The following SEMA5A variants were observed in gnomAD, a reference collection of about 807,000 sequenced individuals.
SEMA5A encodes the protein semaphorin 5A.
A neutral mutation model predicts 135.5 loss-of-function variants in SEMA5A; 55 were observed. The observed-to-expected ratio is 0.41, with a 90% CI of 0.33 to 0.51. The LOEUF is 0.51. Among genes scored for constraint, SEMA5A ranks in the 20% least tolerant of loss-of-function variants. The probability of loss-of-function intolerance (pLI) is 0.37; values close to 1 mark genes in which losing one functional copy is unlikely to be tolerated. For synonymous variants in SEMA5A, 580 were observed against 546.5 expected (o/e 1.06, Z -0.85); for missense variants, 1,290 against 1,419.9 (o/e 0.91, Z 1.47).
intron 5 of SEMA5A, among the ~76,000 whole-genome samples, chr5:9,272,723 G>T (rs144697847): frequency 0.011 from 1,729 of 152,214 alleles, 32 homozygotes; most frequent in African/African-American, 0.039. Flanking sequence ...GGCAAACAGG[G>T]TCTGGAGTGG....
At chr5:9,193,444 T>C (rs1462441433) in intron 10 of SEMA5A, among the ~76,000 whole-genome samples, 1 of 152,218 alleles carries the variant, frequency 6.6e-6, no homozygotes, top group Non-Finnish European at 1.5e-5. Context: ...TGATAATAAA[T>C]ATTTGCACTT....
intron 5 of SEMA5A, among the ~76,000 whole-genome samples, chr5:9,284,741 C>A (rs1323028490): frequency 6.6e-6 from 1 of 152,102 alleles, no homozygotes; most frequent in Non-Finnish European, 1.5e-5. Flanking sequence ...TAAGAACAGC[C>A]TTCGTATTTC....
intron 16 of SEMA5A, among the ~76,000 whole-genome samples, chr5:9,093,724 A>C (rs995485166): frequency 1.3e-4 from 19 of 151,892 alleles, no homozygotes; most frequent in East Asian, 7.7e-4. Context: ...ACAAAAAAAA[A>C]CCGAATGACT....
chr5:9,157,854 A>T (rs1743042234), intron 11 of SEMA5A, among the ~76,000 whole-genome samples: 1 of 152,210 alleles, frequency 6.6e-6, no homozygotes, highest in African/African-American at 2.4e-5. Flanking sequence ...AACCCCATAG[A>T]TTTCTATTTG....
chr5:9,123,258 CAAAAAAAAAAAAAAAAAAAAAA>C (rs57533658), intron 13 of SEMA5A, among the ~76,000 whole-genome samples: 11 of 38,928 alleles, frequency 2.8e-4, no homozygotes, highest in African/African-American at 3.9e-4. Flanking sequence ...GACTCCGCCT[CAAAAAAAAAAAAAAAAAAAAAA>C]AAAAAAAAAA....
At chr5:9,423,650 AT>A (rs1757548909) in intron 2 of SEMA5A, among the ~76,000 whole-genome samples, 1 of 152,244 alleles carries the variant, frequency 6.6e-6, no homozygotes, top group African/African-American at 2.4e-5. Flanking sequence ...TAAGCCACTG[AT>A]AAAACTCTGG....
intron 8 of SEMA5A, among the ~76,000 whole-genome samples, chr5:9,222,359 C>T (rs1420301484): frequency 6.6e-6 from 1 of 152,114 alleles, no homozygotes; most frequent in Non-Finnish European, 1.5e-5. Context: ...AGTGCCCTAA[C>T]AAAACACAGG....
At chr5:9,418,365 T>G (rs1757353724) in intron 2 of SEMA5A, among the ~76,000 whole-genome samples, 1 of 152,188 alleles carries the variant, frequency 6.6e-6, no homozygotes, top group African/African-American at 2.4e-5. Flanking sequence ...CTTATAATAC[T>G]ATCAAACTGG....
intron 1 of SEMA5A, among the ~76,000 whole-genome samples, chr5:9,479,158 C>CT (rs1759780026): frequency 6.6e-6 from 1 of 152,208 alleles, no homozygotes; most frequent in Non-Finnish European, 1.5e-5. Context: ...CCATTCAGAA[C>CT]TGTGAGCCAA....
intron 16 of SEMA5A, among the ~76,000 whole-genome samples, chr5:9,076,370 T>G (rs1738059502): frequency 6.6e-6 from 1 of 151,436 alleles, no homozygotes; most frequent in Non-Finnish European, 1.5e-5. Flanking sequence ...CACATGGAGG[T>G]AGAGAAATAT....
intron 16 of SEMA5A, among the ~76,000 whole-genome samples, chr5:9,097,890 GT>G (rs1739409908): frequency 6.6e-6 from 1 of 152,152 alleles, no homozygotes; most frequent in Non-Finnish European, 1.5e-5. Context: ...GTACTTGGCT[GT>G]TGGTAAGAGG....
intron 16 of SEMA5A, among the ~76,000 whole-genome samples, chr5:9,097,764 T>C (rs1333079395): frequency 1.3e-5 from 2 of 152,318 alleles, no homozygotes; most frequent in East Asian, 3.9e-4. Context: ...GCCCAGCCTG[T>C]ACAACAAGGT....
intron 5 of SEMA5A, 110 bp downstream of exon 5, chr5:9,318,262 C>A: frequency 9.8e-7 from 1 of 1,024,004 alleles, no homozygotes; most frequent in Non-Finnish European, 1.4e-6. Flanking sequence ...AGGAAACGAG[C>A]CCCTGCTCAG....
At chr5:9,446,353 TAAAGC>T (rs1310583633) in intron 1 of SEMA5A, among the ~76,000 whole-genome samples, 1 of 152,108 alleles carries the variant, frequency 6.6e-6, no homozygotes, top group Admixed American at 6.5e-5. Context: ...ACTTCTTTAT[TAAAGC>T]AAACAGGTTG....
intron 21 of SEMA5A, among the ~76,000 whole-genome samples, chr5:9,049,201 G>A (rs751895718): frequency 1.3e-4 from 19 of 151,088 alleles, no homozygotes; most frequent in East Asian, 4.0e-4. Context: ...TCATTCTGTC[G>A]CCCAGGCTGG....
chr5:9,253,856 T>A (rs988459189), intron 5 of SEMA5A, among the ~76,000 whole-genome samples: 1 of 152,138 alleles, frequency 6.6e-6, no homozygotes, highest in African/African-American at 2.4e-5. Context: ...AACTCAACAT[T>A]AGGAAGGAGC....
At chr5:9,224,527 CA>C in intron 8 of SEMA5A, 146 bp downstream of exon 8, 1 of 696,988 alleles carries the variant, frequency 1.4e-6, no homozygotes. Context: ...TCCTGTTTAT[CA>C]TTAGTCCTGA....
intron 2 of SEMA5A, among the ~76,000 whole-genome samples, chr5:9,421,617 G>A (rs1047318091): frequency 1.3e-5 from 2 of 152,152 alleles, no homozygotes; most frequent in African/African-American, 4.8e-5. Context: ...TCCAAAATAT[G>A]TAAGTAATTC....
chr5:9,127,143 A>G (rs1401256957), intron 13 of SEMA5A, among the ~76,000 whole-genome samples: 1 of 152,230 alleles, frequency 6.6e-6, no homozygotes, highest in Non-Finnish European at 1.5e-5. Context: ...AAATTACATA[A>G]AACAGGTTAG....
Sources: allele counts gnomAD v4.1 joint callset (sites outside exome capture counted in the v4.1 genomes callset), GRCh38; gene constraint gnomAD v4.1.1; transcripts MANE v1.5; gene names NCBI Gene and HGNC (gene_info 2026-07-23, HGNC 2026-07-21).